The following CADPS variants were observed in gnomAD, a reference collection of about 807,000 sequenced individuals.
The protein encoded by CADPS is calcium-dependent secretion activator 1.
In CADPS, 57 loss-of-function variants were observed where a neutral mutation model predicts 167.3. The ratio of observed to expected loss-of-function variants is 0.34; its 90% CI spans 0.28 to 0.42. The LOEUF (loss-of-function observed/expected upper bound fraction) is 0.42, where lower values mean the gene tolerates loss of function less well. Among genes scored for constraint, CADPS ranks in the 20% least tolerant of loss-of-function variants. The pLI, the probability that CADPS is intolerant of heterozygous loss-of-function variation, is 1.00. For missense variants in CADPS, 1,414 were observed against 1,738.1 expected, an observed-to-expected ratio of 0.81 and a Z score of 3.32; for synonymous variants, 676 against 635.3, an observed-to-expected ratio of 1.06 and a Z score of -0.96.
At chr3:62,611,670 T>A (rs2061518929) in intron 6 of CADPS, among the ~76,000 whole-genome samples, 1 of 152,182 alleles carries the variant, frequency 6.6e-6, no homozygotes, top group Non-Finnish European at 1.5e-5. Context: ...CCTACATCAA[T>A]CTGTTATAGC....
chr3:62,470,182 G>C (rs2060419512), intron 24 of CADPS, among the ~76,000 whole-genome samples: 1 of 152,168 alleles, frequency 6.6e-6, no homozygotes, highest in Non-Finnish European at 1.5e-5. Context: ...TGTTTCAGCA[G>C]CTGCCTTTAC....
At chr3:62,608,350 T>C (rs1026672474) in intron 6 of CADPS, among the ~76,000 whole-genome samples, 3 of 151,422 alleles carry the variant, frequency 2.0e-5, no homozygotes, top group Admixed American at 6.6e-5. Flanking sequence ...TGGCACAATC[T>C]CGGCTCACGT....
At chr3:62,747,769 G>A (rs566526499) in intron 3 of CADPS, among the ~76,000 whole-genome samples, 17 of 152,144 alleles carry the variant, frequency 1.1e-4, no homozygotes, top group South Asian at 6.2e-4. Flanking sequence ...ACAGATTATC[G>A]TCTTATCCTA....
Position 62,765,941 on chromosome 3 carries a change from G to C in CADPS, c.485C>G (p.Ala162Gly). 6.2e-7 allele frequency: 1 copy of C among 1,613,546 alleles called. No homozygotes were observed. Among genetic ancestry groups the C allele is most frequent in the African/African-American group, 1.3e-5 (1 of 75,012 alleles). ...GATCTGGGTTTCCCCATTGAGGAAA[G>C]CCTGAAACCGGTCCTTGACTGTCTG... ...QLQTVKDRFQ[A>G]FLNGETQIMA... The change falls in exon 2 of 30, where the codon GCT becomes GGT. Residue 162 changes from alanine (A) to glycine (G), a missense_variant. This residue lies in a region of CADPS where 522 missense variants were observed against 559.5 expected (regional missense o/e 0.93). Transcript: ENST00000383710.
chr3:62,707,095 C>T lies in CADPS; in HGVS notation c.889-44701G>A, dbSNP rs897231303. The stretch of plus-strand genomic sequence containing the variant: ...GCAGAGGTCCCCAACCCTCTGGCCA[C>T]GGACCCACTACCGGTCCTTGGCCTG... On this transcript the variant is annotated intron_variant, in intron 3 of 29. Coordinates refer to ENST00000383710, the MANE Select transcript of CADPS (RefSeq NM_003716.4). Among the ~76,000 whole-genome samples the T allele has an allele frequency of 6.6e-5, 10 of 152,106 alleles. No homozygotes were observed. In the East Asian group the frequency reaches 1.2e-3, roughly 18 times the overall value.
intron 3 of CADPS, among the ~76,000 whole-genome samples, chr3:62,671,289 T>A (rs57125222): frequency 0.03 from 4,608 of 152,124 alleles, 244 homozygotes; most frequent in African/African-American, 0.1. Flanking sequence ...GTTTTTTTTT[T>A]AATGGATTAT....
intron 3 of CADPS, among the ~76,000 whole-genome samples, chr3:62,700,563 G>A (rs1040026067): frequency 6.6e-6 from 1 of 152,054 alleles, no homozygotes; most frequent in East Asian, 1.9e-4. Flanking sequence ...GAGGAATTGG[G>A]GACCTAATCT....
At chr3:62,471,898 A>T (rs2060667839) in intron 24 of CADPS, among the ~76,000 whole-genome samples, 1 of 152,246 alleles carries the variant, frequency 6.6e-6, no homozygotes, top group Non-Finnish European at 1.5e-5. Context: ...ATGGTCAAGT[A>T]TCCAGAACAT....
At chr3:62,576,976 C>A (rs1179905253) in intron 8 of CADPS, among the ~76,000 whole-genome samples, 1 of 151,872 alleles carries the variant, frequency 6.6e-6, no homozygotes. Flanking sequence ...GCTACTGGGT[C>A]ACTGACATCT....
chr3:62,466,607 T>C (rs925009258), intron 24 of CADPS, 194 bp from the exon 25 acceptor site: 3 of 639,594 alleles, frequency 4.7e-6, no homozygotes, highest in Admixed American at 2.4e-5. Context: ...CTTAAAAATA[T>C]TACCAAGTTC....
chr3:62,593,627 C>T lies in CADPS; in HGVS notation c.1326-879G>A, dbSNP rs111389622. On this transcript the variant is annotated intron_variant, in intron 6 of 29. Coordinates refer to ENST00000383710, the MANE Select transcript of CADPS (RefSeq NM_003716.4). The stretch of plus-strand genomic sequence containing the variant: ...CTACCTATGGACTGCCACTCATCTG[C>T]TCCAATCTCACAAGCCTCCTGACTC... 4.6e-3 allele frequency among the ~76,000 whole-genome samples: 700 copies of T among 152,314 alleles called. 7 individuals are homozygous for T. The highest frequency in any genetic ancestry group is 0.016 in the African/African-American group (660 of 41,562).
intron 3 of CADPS, among the ~76,000 whole-genome samples, chr3:62,735,471 T>C (rs2078810158): frequency 3.3e-5 from 5 of 152,156 alleles, no homozygotes; most frequent in Admixed American, 3.3e-4. Context: ...ATTGATACTA[T>C]ATTAGGTATC....
chr3:62,494,260 T>C (rs975891948), intron 18 of CADPS, among the ~76,000 whole-genome samples: 3 of 152,174 alleles, frequency 2.0e-5, no homozygotes, highest in African/African-American at 7.2e-5. Flanking sequence ...CTCCACTGAC[T>C]ACCTAGCTAA....
At chr3:62,466,942 G>A (rs182018389) in intron 24 of CADPS, among the ~76,000 whole-genome samples, 26 of 152,242 alleles carry the variant, frequency 1.7e-4, no homozygotes, top group African/African-American at 4.6e-4. Context: ...TCTTGACTCA[G>A]TATAAAGGCA....
chr3:62,590,325 C>T (rs971308381), intron 7 of CADPS, among the ~76,000 whole-genome samples: 1 of 152,074 alleles, frequency 6.6e-6, no homozygotes, highest in Admixed American at 6.6e-5. Flanking sequence ...CTCTGAGACT[C>T]GTGATTCTTA....
chr3:62,836,621 A>G (rs868153117), intron 1 of CADPS, among the ~76,000 whole-genome samples: 1 of 152,292 alleles, frequency 6.6e-6, no homozygotes, highest in Middle Eastern at 3.4e-3. Flanking sequence ...GCCACAGGTT[A>G]ATCAATGGGG....
At chr3:62,829,179 C>T (rs2074606315) in intron 1 of CADPS, among the ~76,000 whole-genome samples, 1 of 152,034 alleles carries the variant, frequency 6.6e-6, no homozygotes, top group African/African-American at 2.4e-5. Context: ...GGAGTTGGGC[C>T]TTTGTATTGG....
At chr3:62,443,842 T>C (rs2056783175) in intron 27 of CADPS, among the ~76,000 whole-genome samples, 1 of 152,038 alleles carries the variant, frequency 6.6e-6, no homozygotes, top group South Asian at 2.1e-4. Context: ...ACCTAACGAG[T>C]CTTCTAATTT....
intron 9 of CADPS, among the ~76,000 whole-genome samples, chr3:62,565,272 A>G (rs987413226): frequency 2.0e-5 from 3 of 152,152 alleles, no homozygotes; most frequent in Non-Finnish European, 4.4e-5. Context: ...ATATATTGGA[A>G]TTTCAAGGAA....
Sources: gnomAD v4.1 joint callset for allele counts (sites outside exome capture counted in the v4.1 genomes callset) on GRCh38, gnomAD v4.1.1 for gene constraint, gnomAD v4.1.1 regional missense constraint, MANE v1.5 for transcripts, NCBI Gene and HGNC (gene_info 2026-07-23, HGNC 2026-07-21) for gene names.